Variants in PDSS2 observed in about 807,000 individuals in gnomAD.
PDSS2 encodes decaprenyl diphosphate synthase subunit 2.
In PDSS2, 31 loss-of-function variants were observed where a neutral mutation model predicts 44.5. The ratio of observed to expected loss-of-function variants is 0.70; its 90% CI spans 0.52 to 0.94. PDSS2 has a LOEUF of 0.94. Ranked by LOEUF, PDSS2 falls within the 40% of genes least tolerant of loss-of-function variation. The pLI is 0.00. For synonymous variants in PDSS2, 157 were observed against 180.3 expected (o/e 0.87, Z 1.03); for missense variants, 452 against 482.2 (o/e 0.94, Z 0.59).
intron 1 of PDSS2, among the ~76,000 whole-genome samples, chr6:107,398,937 T>C (rs1318717893): frequency 1.3e-5 from 2 of 152,188 alleles, no homozygotes; most frequent in Admixed American, 1.3e-4. Flanking sequence ...CCCCTATAGC[T>C]TTAAAAATAA....
rs1241536852 is a variant in PDSS2 at position 107,274,220 on chromosome 6, T to A, written c.439A>T (p.Ser147Cys). Reference sequence around the variant, plus strand: ...ATTAGCTCCGTGATCTCTGCCAAACTTCTTTGACTAAAACATAAAGGTAAG... The same window carrying A: ...ATTAGCTCCGTGATCTCTGCCAAACATCTTTGACTAAAACATAAAGGTAAG... ...MVSGIYSCQR[S>C]LAEITELIHI... Residue 147 changes from serine (S) to cysteine (C), a missense_variant, in exon 3 of 8, where the codon AGT becomes TGT. Transcript: ENST00000369037. The A allele has an allele frequency of 3.1e-6, 5 of 1,611,116 alleles. No homozygotes were observed. In the African/African-American group the frequency reaches 6.7e-5, roughly 22 times the overall value.
At chr6:107,441,400 C>A (rs138236844) in intron 1 of PDSS2, among the ~76,000 whole-genome samples, 27 of 152,330 alleles carry the variant, frequency 1.8e-4, no homozygotes, top group African/African-American at 6.3e-4. Context: ...TTGAGAAAGG[C>A]TGCCGCCAGT....
At chr6:107,214,313 G>A (rs1004233051) in intron 4 of PDSS2, among the ~76,000 whole-genome samples, 25 of 151,698 alleles carry the variant, frequency 1.6e-4, no homozygotes, top group Non-Finnish European at 3.4e-4. Context: ...CCGTGGTCTC[G>A]ATCTCCTGAC....
intron 4 of PDSS2, among the ~76,000 whole-genome samples, chr6:107,221,691 C>A (rs1031740728): frequency 6.6e-6 from 1 of 152,166 alleles, no homozygotes; most frequent in Non-Finnish European, 1.5e-5. Context: ...ATGCTGCTCT[C>A]CTACTTTACT....
intron 3 of PDSS2, among the ~76,000 whole-genome samples, chr6:107,247,968 A>C (rs1328446600): frequency 6.6e-6 from 1 of 151,910 alleles, no homozygotes; most frequent in Non-Finnish European, 1.5e-5. Context: ...GCAGTGAGCC[A>C]AGATCGCAGC....
intron 7 of PDSS2, chr6:107,192,297 G>T (rs73523780): frequency 0.022 from 9,826 of 444,856 alleles, 693 homozygotes; most frequent in African/African-American, 0.17. Context: ...AAGGAGAGAC[G>T]GTCCCAACAC....
At chr6:107,452,247 T>G (rs922954496) in intron 1 of PDSS2, among the ~76,000 whole-genome samples, 1 of 151,630 alleles carries the variant, frequency 6.6e-6, no homozygotes, top group African/African-American at 2.4e-5. Flanking sequence ...GAGAGTTCTT[T>G]TTTTTTTTGC....
rs139932380 is a variant in PDSS2, at chr6:107,227,681, A to G, written c.703-15399T>C. Among the ~76,000 whole-genome samples, 436 of 152,280 alleles carry G rather than the reference A, an allele frequency of 2.9e-3. 2 individuals carry two copies. Among genetic ancestry groups the G allele is most frequent in the African/African-American group, 9.6e-3 (397 of 41,548 alleles). On this transcript the variant is annotated intron_variant, in intron 4 of 7. Transcript: ENST00000369037. ...GTGAAGGTGGTGGTACGGAAGAGTA[A>G]GGCAGGCACCAGGTGAACCTGGTAA...
At chr6:107,282,647 C>T (rs929934096) in intron 2 of PDSS2, among the ~76,000 whole-genome samples, 47 of 151,352 alleles carry the variant, frequency 3.1e-4, no homozygotes, top group Non-Finnish European at 5.8e-4. Context: ...GGGTGGATCA[C>T]GAAGTCAGGA....
intron 1 of PDSS2, among the ~76,000 whole-genome samples, chr6:107,397,523 G>A (rs1255789826): frequency 6.6e-6 from 1 of 152,106 alleles, no homozygotes; most frequent in Non-Finnish European, 1.5e-5. Flanking sequence ...AAGCATTTCT[G>A]CCATATACCA....
intron 1 of PDSS2, among the ~76,000 whole-genome samples, chr6:107,428,399 A>T (rs1781069236): frequency 2.6e-5 from 4 of 152,254 alleles, no homozygotes; most frequent in African/African-American, 9.6e-5. Context: ...CACAAGATGA[A>T]TGCCGTGACT....
intron 1 of PDSS2, among the ~76,000 whole-genome samples, chr6:107,409,481 C>T (rs2114641986): frequency 2.0e-5 from 3 of 152,130 alleles, no homozygotes; most frequent in Non-Finnish European, 4.4e-5. Context: ...ATACAGAAGT[C>T]AAGAATAGTA....
intron 2 of PDSS2, among the ~76,000 whole-genome samples, chr6:107,322,787 C>G (rs1476961198): frequency 6.6e-6 from 1 of 151,966 alleles, no homozygotes; most frequent in Non-Finnish European, 1.5e-5. Flanking sequence ...CGTTCCACTG[C>G]ACTCCAGCCT....
At chr6:107,211,462 T>C (rs897082572) in intron 5 of PDSS2, among the ~76,000 whole-genome samples, 15 of 152,066 alleles carry the variant, frequency 9.9e-5, no homozygotes, top group African/African-American at 3.4e-4. Flanking sequence ...CCAGGCGTGG[T>C]GGCTCACACC....
chr6:107,209,578 TTTTTA>T (rs997911357), intron 6 of PDSS2, among the ~76,000 whole-genome samples: 20 of 151,748 alleles, frequency 1.3e-4, no homozygotes, highest in African/African-American at 4.6e-4. Flanking sequence ...TTTTTTTTTT[TTTTTA>T]AATTTCAAAA....
In PDSS2 at chr6:107,443,988, T is replaced by A. The variant is rs113110154; in HGVS notation, c.296+15002A>T. ...TACTGTTCTAAGCACTTTACCCATA[T>A]TAAATCATTCAATCTTCATAAAACT... is the stretch of plus-strand genomic sequence containing the variant. On this transcript the variant is annotated intron_variant, in intron 1 of 7. Coordinates refer to ENST00000369037, the MANE Select transcript of PDSS2 (RefSeq NM_020381.4). Among the ~76,000 whole-genome samples, 1,266 of 152,308 alleles carry A rather than the reference T, an allele frequency of 8.3e-3. 19 individuals are homozygous for A. Among genetic ancestry groups the A allele is most frequent in the African/African-American group, 0.025 (1,035 of 41,568 alleles).
intron 1 of PDSS2, among the ~76,000 whole-genome samples, chr6:107,447,789 CA>C (rs1453550669): frequency 3.3e-5 from 5 of 152,214 alleles, no homozygotes; most frequent in Non-Finnish European, 7.3e-5. Flanking sequence ...GTGGGGGCTC[CA>C]ACCCTACACT....
At chr6:107,309,984 T>C (rs566838158) in intron 2 of PDSS2, among the ~76,000 whole-genome samples, 1 of 152,030 alleles carries the variant, frequency 6.6e-6, no homozygotes, top group Non-Finnish European at 1.5e-5. Context: ...AAGTCCAAGA[T>C]AAAAGTGTCA....
chr6:107,319,003 T>TAC lies in PDSS2; in HGVS notation c.431+15194_431+15195insGT, dbSNP rs1200407112. Among the ~76,000 whole-genome samples the TAC allele has an allele frequency of 1.3e-4, 13 of 101,364 alleles. No individual in the cohort carries two copies. In the East Asian group the frequency reaches 4.9e-3, roughly 38 times the overall value. The allele number at this position is 101,364 out of a possible 152,430, so 66.5% of individuals were successfully genotyped here. ...ACTATGTTAAAAAAGAAAATATATATATATACACACACACACACACACATA... is the reference window on the plus strand; with the variant it reads ...ACTATGTTAAAAAAGAAAATATATATACATATACACACACACACACACACATA... On this transcript the variant is annotated intron_variant, in intron 2 of 7. Coordinates refer to ENST00000369037, the MANE Select transcript of PDSS2 (RefSeq NM_020381.4).
Sources: gnomAD v4.1 joint callset for allele counts (sites outside exome capture counted in the v4.1 genomes callset) on GRCh38, gnomAD v4.1.1 for gene constraint, MANE v1.5 for transcripts, NCBI Gene and HGNC (gene_info 2026-07-23, HGNC 2026-07-21) for gene names.